The following NTNG1 variants were observed in gnomAD, a reference collection of about 807,000 sequenced individuals.
The protein encoded by NTNG1 is netrin-G1.
NTNG1 carries 16 observed loss-of-function variants against 54.0 expected under a neutral mutation model. The observed-to-expected ratio is 0.30, with a 90% CI of 0.20 to 0.45. The LOEUF is 0.45. NTNG1 is among the 20% of genes least tolerant of loss of function. NTNG1 has a pLI of 1.00. For synonymous variants in NTNG1, 255 were observed against 263.1 expected, an observed-to-expected ratio of 0.97 and a Z score of 0.30; for missense variants, 530 against 678.7, an observed-to-expected ratio of 0.78 and a Z score of 2.43.
Position 107,298,559 on chromosome 1 carries a change from G to T in NTNG1, c.247-25723G>T, listed in dbSNP as rs555382999. On this transcript the variant is annotated intron_variant, in intron 2 of 7. Transcript: ENST00000370068. ...GTCACTGAAGGAGAAATCAAGAAAA[G>T]GGTCTTACATCTTTTGACTCTTATT... 2.0e-5 allele frequency among the ~76,000 whole-genome samples: 3 copies of T among 152,194 alleles called. No individual in the cohort carries two copies. In the South Asian group the frequency reaches 6.2e-4, roughly 32 times the overall value.
chr1:107,443,785 T>C (rs1430535100), intron 7 of NTNG1, among the ~76,000 whole-genome samples: 1 of 152,132 alleles, frequency 6.6e-6, no homozygotes, highest in African/African-American at 2.4e-5. Context: ...ATAAAATGAA[T>C]GGCATCACTG....
intron 3 of NTNG1, among the ~76,000 whole-genome samples, chr1:107,370,394 G>A (rs559875053): frequency 1.3e-5 from 2 of 151,764 alleles, no homozygotes; most frequent in African/African-American, 4.8e-5. Context: ...GGAACAGGTG[G>A]TACTTGGTTA....
rs1202866779 is a variant in NTNG1 at position 107,241,707 on chromosome 1, G to A, written c.247-82575G>A. On this transcript the variant is annotated intron_variant, in intron 2 of 7. Transcript: ENST00000370068. ...AAGAAAATGCAGTCATTGGCACAAG[G>A]GCATCACTACTATACCATGTTTTAA... Among the ~76,000 whole-genome samples, 4 of 151,978 alleles carry A rather than the reference G, an allele frequency of 2.6e-5. No individual in the cohort carries two copies. In the South Asian group the frequency reaches 6.2e-4, roughly 24 times the overall value.
At chr1:107,418,406 A>G (rs1442569777) in intron 5 of NTNG1, among the ~76,000 whole-genome samples, 2 of 152,018 alleles carry the variant, frequency 1.3e-5, no homozygotes, top group Non-Finnish European at 2.9e-5. Flanking sequence ...ATGTTTTGGG[A>G]ATCATCAATT....
intron 2 of NTNG1, among the ~76,000 whole-genome samples, chr1:107,154,574 C>A (rs896862053): frequency 7.1e-5 from 7 of 98,504 alleles, no homozygotes; most frequent in Non-Finnish European, 1.1e-4. Flanking sequence ...ACAGCCTAGG[C>A]AACAAAGCAA....
chr1:107,195,441 G>T (rs1474105822), intron 2 of NTNG1, among the ~76,000 whole-genome samples: 2 of 151,908 alleles, frequency 1.3e-5, no homozygotes, highest in Non-Finnish European at 2.9e-5. Flanking sequence ...GGCAGCCAGA[G>T]TATAAATATT....
intron 4 of NTNG1, among the ~76,000 whole-genome samples, chr1:107,399,057 A>G (rs1672860117): frequency 6.6e-6 from 1 of 152,158 alleles, no homozygotes; most frequent in Non-Finnish European, 1.5e-5. Context: ...TTCTCTGGCT[A>G]TGTTCTATGA....
At chr1:107,396,906 T>C (rs1292954497) in intron 4 of NTNG1, among the ~76,000 whole-genome samples, 1 of 152,202 alleles carries the variant, frequency 6.6e-6, no homozygotes, top group Non-Finnish European at 1.5e-5. Context: ...AGCCCTCAGC[T>C]TCTATTCTAA....
chr1:107,187,910 G>A (rs1434923099), intron 2 of NTNG1, among the ~76,000 whole-genome samples: 1 of 152,088 alleles, frequency 6.6e-6, no homozygotes, highest in Non-Finnish European at 1.5e-5. Context: ...TTTTACATTA[G>A]GCTTAAAAAT....
intron 2 of NTNG1, among the ~76,000 whole-genome samples, chr1:107,320,680 T>G (rs113635780): frequency 6.6e-6 from 1 of 150,642 alleles, no homozygotes; most frequent in South Asian, 2.1e-4. Context: ...TTTTTTTTCC[T>G]TTCTCTCACC....
At chr1:107,348,681 A>G (rs904220875) in intron 3 of NTNG1, among the ~76,000 whole-genome samples, 4 of 152,130 alleles carry the variant, frequency 2.6e-5, no homozygotes, top group Non-Finnish European at 5.9e-5. Context: ...GATTTCTGCT[A>G]TGGTGTCTAG....
At chr1:107,466,276 A>G (rs895954949) in intron 7 of NTNG1, among the ~76,000 whole-genome samples, 1 of 152,238 alleles carries the variant, frequency 6.6e-6, no homozygotes, top group African/African-American at 2.4e-5. Context: ...GATATAAAAT[A>G]GACACAGTTG....
At chr1:107,373,146 T>C (rs1671028881) in intron 3 of NTNG1, among the ~76,000 whole-genome samples, 1 of 152,168 alleles carries the variant, frequency 6.6e-6, no homozygotes, top group African/African-American at 2.4e-5. Context: ...TGTCCCATTC[T>C]TATTGTTCCC....
intron 2 of NTNG1, among the ~76,000 whole-genome samples, chr1:107,258,949 T>TA (rs1663118176): frequency 6.6e-6 from 1 of 152,298 alleles, no homozygotes; most frequent in East Asian, 1.9e-4. Context: ...ATGCATGTGT[T>TA]ACCTGAAAAA....
intron 2 of NTNG1, among the ~76,000 whole-genome samples, chr1:107,170,350 G>A (rs1210344092): frequency 1.3e-5 from 2 of 152,048 alleles, no homozygotes; most frequent in Non-Finnish European, 2.9e-5. Flanking sequence ...TGTCATGTAT[G>A]AAAATTCAAA....
rs757348411 is a variant in NTNG1 at position 107,480,778 on chromosome 1, G to C, written c.1558G>C (p.Gly520Arg). 2.9e-5 allele frequency: 46 copies of C among 1,600,470 alleles called. 1 individual carries two copies. The Admixed American group carries it at 7.7e-4, about 27-fold the overall frequency. ...CTCTGGCCAGGGCGCGCCCCCGCAC[G>C]GCTCCCCAGCGCTGCTGCTGCTGAC... ...SDSGQGAPPH[G>R]SPALLLLTTL... The change falls in exon 8 of 8, where the codon GGC becomes CGC. Residue 520 changes from glycine (G) to arginine (R), a missense_variant. Gly to Arg is a moderately radical substitution (Grantham distance 125). Coordinates refer to ENST00000370068, the MANE Select transcript of NTNG1 (RefSeq NM_001113226.3).
chr1:107,349,439 G>A (rs1249044968), intron 3 of NTNG1, among the ~76,000 whole-genome samples: 1 of 151,900 alleles, frequency 6.6e-6, no homozygotes, highest in Non-Finnish European at 1.5e-5. Flanking sequence ...ATAGATCTAG[G>A]TTAGGGAGCT....
intron 2 of NTNG1, among the ~76,000 whole-genome samples, chr1:107,164,427 G>A (rs1655625120): frequency 6.6e-6 from 1 of 152,196 alleles, no homozygotes; most frequent in African/African-American, 2.4e-5. Flanking sequence ...GGTGATAAAA[G>A]TAACAAGTGT....
At chr1:107,418,664 C>A in intron 5 of NTNG1, 1 of 1,539,454 alleles carries the variant, frequency 6.5e-7, no homozygotes, top group Non-Finnish European at 8.9e-7. Flanking sequence ...ATGTAAAATT[C>A]CTACGGACAT....
Sources: allele counts gnomAD v4.1 joint callset (sites outside exome capture counted in the v4.1 genomes callset), GRCh38; gene constraint gnomAD v4.1.1; transcripts MANE v1.5; gene names NCBI Gene and HGNC (gene_info 2026-07-23, HGNC 2026-07-21).